Variants in DYM observed in about 807,000 individuals in gnomAD.
DYM encodes dymeclin.
In DYM, 78 loss-of-function variants were observed where a neutral mutation model predicts 93.1. The ratio of observed to expected loss-of-function variants is 0.84; its 90% CI spans 0.70 to 1.01. The LOEUF (loss-of-function observed/expected upper bound fraction) is 1.01, where lower values mean the gene tolerates loss of function less well. DYM is among the 50% of genes least tolerant of loss of function. DYM has a pLI of 0.00. For missense variants in DYM, 789 were observed against 845.0 expected (o/e 0.93, Z 0.82); for synonymous variants, 321 against 319.7 (o/e 1.00, Z -0.04).
intron 17 of DYM, among the ~76,000 whole-genome samples, chr18:49,063,022 C>T (rs1222811235): frequency 6.6e-6 from 1 of 152,228 alleles, no homozygotes; most frequent in Non-Finnish European, 1.5e-5. Flanking sequence ...GGTTTTTAGC[C>T]ACCTCTCACT....
intron 11 of DYM, 150 bp downstream of exon 11, chr18:49,272,028 C>T (rs1027434161): frequency 3.9e-5 from 21 of 540,524 alleles, no homozygotes; most frequent in South Asian, 3.9e-5. Flanking sequence ...AAAAAAGCAC[C>T]GCTTCATAAA....
intron 1 of DYM, among the ~76,000 whole-genome samples, chr18:49,432,188 T>A (rs962885087): frequency 6.6e-6 from 1 of 151,940 alleles, no homozygotes; most frequent in Non-Finnish European, 1.5e-5. Context: ...AAAATTAGTC[T>A]GGCATGGTGG....
chr18:49,379,910 T>A (rs1318977315), intron 3 of DYM, 152 bp from the exon 4 acceptor site: 12 of 651,224 alleles, frequency 1.8e-5, no homozygotes, highest in Non-Finnish European at 3.2e-5. Flanking sequence ...AACTAAGCAA[T>A]GAGAGAAACT....
intron 14 of DYM, among the ~76,000 whole-genome samples, chr18:49,193,005 A>G (rs1440639369): frequency 6.6e-6 from 1 of 152,172 alleles, no homozygotes; most frequent in African/African-American, 2.4e-5. Context: ...CATGGTGAAT[A>G]TAATTGTTAT....
chr18:49,076,594 T>C (rs10520770), intron 17 of DYM, among the ~76,000 whole-genome samples: 49,449 of 152,174 alleles, frequency 0.32, 9,414 homozygotes, highest in Middle Eastern at 0.47. Flanking sequence ...TTGTACATTC[T>C]GCTTTAAAAC....
intron 14 of DYM, among the ~76,000 whole-genome samples, chr18:49,199,951 G>A (rs1376824227): frequency 2.6e-5 from 4 of 151,168 alleles, no homozygotes; most frequent in Admixed American, 1.3e-4. Flanking sequence ...CATATTACAC[G>A]TACTTAGAAT....
intron 8 of DYM, 101 bp downstream of exon 8, chr18:49,331,763 T>G: frequency 7.9e-7 from 1 of 1,266,086 alleles, no homozygotes; most frequent in Non-Finnish European, 1.1e-6. Context: ...ACAAATTCAA[T>G]GTAACTATTA....
At chr18:49,243,608 T>C (rs1233321388) in intron 13 of DYM, among the ~76,000 whole-genome samples, 2 of 142,148 alleles carry the variant, frequency 1.4e-5, no homozygotes, top group Non-Finnish European at 3.0e-5. Flanking sequence ...GAGGTTGCAG[T>C]GAGCTGAGAG....
chr18:49,312,060 G>A (rs1333343719), intron 8 of DYM, among the ~76,000 whole-genome samples: 2 of 152,074 alleles, frequency 1.3e-5, no homozygotes, highest in Non-Finnish European at 2.9e-5. Context: ...GAAAGCTACA[G>A]ACACTGGTAT....
At chr18:49,190,409 A>C (rs971461468) in intron 14 of DYM, among the ~76,000 whole-genome samples, 5 of 152,212 alleles carry the variant, frequency 3.3e-5, no homozygotes, top group Non-Finnish European at 7.3e-5. Context: ...ATGAAACTTA[A>C]TGAAACCACC....
rs146109747 is a variant in DYM at position 49,292,235 on chromosome 18, A to T, written c.764-5619T>A. On this transcript the variant is annotated intron_variant, in intron 8 of 17. Coordinates refer to ENST00000675505, the MANE Select transcript of DYM (RefSeq NM_001353214.3). ...CCAAGAGGGCTGAGAAGCTGCTTCT[A>T]ATGTCAGATAAACTAACATTTTATT... Among the ~76,000 whole-genome samples, 527 of 152,076 alleles carry T rather than the reference A, an allele frequency of 3.5e-3. 2 individuals carry two copies. The highest frequency in any genetic ancestry group is 6.0e-3 in the Non-Finnish European group (408 of 68,000).
At chr18:49,451,867 C>T (rs1311161056) in intron 1 of DYM, among the ~76,000 whole-genome samples, 2 of 152,196 alleles carry the variant, frequency 1.3e-5, no homozygotes, top group African/African-American at 4.8e-5. Context: ...TTTAGACTAA[C>T]ACTGCTTATT....
Position 49,085,647 on chromosome 18 carries a change from A to G in DYM, c.2025+11755T>C, listed in dbSNP as rs1004846805. Among the ~76,000 whole-genome samples the G allele has an allele frequency of 1.8e-4, 23 of 129,774 alleles. No homozygotes were observed. In the South Asian group the frequency reaches 1.9e-3, roughly 11 times the overall value. The allele number at this position is 129,774 out of a possible 152,430, so 85.1% of individuals were successfully genotyped here. A position where few individuals can be genotyped will look rare whatever the true frequency, so the allele number is the denominator to read the frequency against. ...TTTTTTGATGGAGTCTCACTCTGTC[A>G]CCCAGGCTGGAGTGCAGTGGTGTGA... On this transcript the variant is annotated intron_variant, in intron 17 of 17. Transcript: ENST00000675505.
At chr18:49,145,725 GA>G (rs1253430827) in intron 15 of DYM, among the ~76,000 whole-genome samples, 1 of 152,130 alleles carries the variant, frequency 6.6e-6, no homozygotes, top group Non-Finnish European at 1.5e-5. Flanking sequence ...TTTCTTGTGT[GA>G]ATGTACCAAA....
At chr18:49,090,677 C>T (rs1248684174) in intron 17 of DYM, among the ~76,000 whole-genome samples, 1 of 152,068 alleles carries the variant, frequency 6.6e-6, no homozygotes, top group Non-Finnish European at 1.5e-5. Context: ...CTCATAGAGC[C>T]TGACAGGCCC....
rs2148791341 is a variant in DYM, at chr18:49,460,619, A to C, written c.-275T>G. On this transcript the variant is annotated 5_prime_UTR_variant, in exon 1 of 18. Coordinates refer to ENST00000675505, the MANE Select transcript of DYM (RefSeq NM_001353214.3). ...TCCAGCCCGGGCCGCGTCGGTGCGG[A>C]GGCCAGGAGGCGGCGAGAGAAGAGG... 2 of 151,958 alleles carry C rather than the reference A, an allele frequency of 1.3e-5. No homozygotes were observed. The highest frequency in any genetic ancestry group is 3.9e-4 in the East Asian group (2 of 5,096). The allele number at this position is 151,958 out of a possible 1,614,324, so 9.4% of individuals were successfully genotyped here. A position where few individuals can be genotyped will look rare whatever the true frequency, so the allele number is the denominator to read the frequency against.
At chr18:49,090,506 T>G (rs1212719182) in intron 17 of DYM, among the ~76,000 whole-genome samples, 2 of 152,136 alleles carry the variant, frequency 1.3e-5, no homozygotes, top group Non-Finnish European at 2.9e-5. Flanking sequence ...AGAAGCAGAT[T>G]TAGTCTGAAG....
At chr18:49,050,339 C>A (rs1461754327) in intron 17 of DYM, among the ~76,000 whole-genome samples, 6 of 151,976 alleles carry the variant, frequency 3.9e-5, no homozygotes. Flanking sequence ...GATCTGCCTG[C>A]CTCGGCCTCC....
chr18:49,434,073 C>A (rs761877732), intron 1 of DYM, among the ~76,000 whole-genome samples: 59 of 151,912 alleles, frequency 3.9e-4, no homozygotes, highest in Non-Finnish European at 7.5e-4. Flanking sequence ...AGGCTGGGCG[C>A]GGTGGCTCAC....
Sources: gnomAD v4.1 joint callset for allele counts (sites outside exome capture counted in the v4.1 genomes callset) on GRCh38, gnomAD v4.1.1 for gene constraint, MANE v1.5 for transcripts, NCBI Gene and HGNC (gene_info 2026-07-23, HGNC 2026-07-21) for gene names.